PCNT: variants seen among roughly 807,000 people sequenced by gnomAD.
PCNT encodes kendrin.
Under a neutral mutation model 380.4 loss-of-function variants are expected in PCNT, and 319 were observed. The ratio of observed to expected loss-of-function variants is 0.84; its 90% CI spans 0.77 to 0.92. PCNT has a LOEUF of 0.92. PCNT is among the 40% of genes least tolerant of loss of function. PCNT has a pLI of 0.00. For synonymous variants in PCNT, 1,845 were observed against 1,735.2 expected (o/e 1.06, Z -1.57); for missense variants, 4,400 against 4,255.3 (o/e 1.03, Z -0.95).
intron 32 of PCNT, among the ~76,000 whole-genome samples, chr21:46,422,921 G>A (rs980299360): frequency 6.6e-6 from 1 of 152,142 alleles, no homozygotes; most frequent in Non-Finnish European, 1.5e-5. Flanking sequence ...ATGACGTTAA[G>A]TGAGGACTTA....
At chr21:46,419,581 C>T (rs947222115) in intron 31 of PCNT, among the ~76,000 whole-genome samples, 1 of 152,324 alleles carries the variant, frequency 6.6e-6, no homozygotes, top group South Asian at 2.1e-4. Flanking sequence ...CGTGCGTCCC[C>T]CTCGAGCCAC....
In PCNT at chr21:46,416,575, G is replaced by C. The variant is rs757052194; in HGVS notation, c.6657G>C (p.Leu2219=). 6.2e-7 allele frequency: 1 copy of C among 1,610,474 alleles called. No individual in the cohort carries two copies. Among genetic ancestry groups the C allele is most frequent in the African/African-American group, 1.3e-5 (1 of 74,862 alleles). The change falls in exon 30 of 47, where the codon CTG becomes CTC. Residue 2219 remains leucine (L), a synonymous_variant. Transcript: ENST00000359568. The part of the protein sequence containing the change: ...AGPRKSPVGM[L]DLSSWSSPEV... ...CCCGGAAGAGCCCGGTCGGGATGCT[G>C]GACCTGTCTTCCTGGAGCTCCCCTG...
At chr21:46,412,095 G>A in intron 28 of PCNT, 28 bp downstream of exon 28, 1 of 1,597,530 alleles carries the variant, frequency 6.3e-7, no homozygotes, top group African/African-American at 1.3e-5. Flanking sequence ...GCCATGGCAG[G>A]GTATTTTTTT....
chr21:46,385,138 C>G (rs922704550), intron 16 of PCNT, among the ~76,000 whole-genome samples: 4 of 152,180 alleles, frequency 2.6e-5, no homozygotes, highest in Non-Finnish European at 4.4e-5. Flanking sequence ...GAGGACCACT[C>G]CAGCCCAGGA....
In PCNT at chr21:46,391,194, C is replaced by A; in HGVS notation, c.4034C>A (p.Ala1345Glu). ...CTTGAGGGATTCAAGGTGGAGACAG[C>A]AGATCTGAAGGAGGTGCTGGCCGGG... ...GTLEGFKVET[A>E]DLKEVLAGKE... The change falls in exon 21 of 47, where the codon GCA becomes GAA. Residue 1345 changes from alanine to glutamate, a missense_variant. By Grantham distance (107) the Ala-to-Glu change is moderately radical. Transcript: ENST00000359568. 1 of 1,607,424 alleles carries A rather than the reference C, an allele frequency of 6.2e-7. No homozygotes were observed. The highest frequency in any genetic ancestry group is 1.1e-5 in the South Asian group (1 of 89,384).
At chr21:46,431,065 A>G in intron 37 of PCNT, 4 of 985,498 alleles carry the variant, frequency 4.1e-6, no homozygotes, top group Non-Finnish European at 4.8e-6. Context: ...AGTCTGTGCC[A>G]GTTCCATGGG....
rs758341390 is a variant in PCNT at position 46,401,678 on chromosome 21, A to G, written c.4919A>G (p.Gln1640Arg). 3 of 1,613,952 alleles carry G rather than the reference A, an allele frequency of 1.9e-6. No individual in the cohort carries two copies. Among genetic ancestry groups the G allele is most frequent in the Non-Finnish European group, 2.5e-6 (3 of 1,180,010 alleles). ...AGCCCTCCTGAGGGTCCAGAAATACAGTTAGAGGTGACACAGAGAGCACTC... is the reference window on the plus strand; with the variant it reads ...AGCCCTCCTGAGGGTCCAGAAATACGGTTAGAGGTGACACAGAGAGCACTC... ...SGSPPEGPEI[Q>R]LEVTQRALLR... is the part of the protein sequence containing the mutation. The change falls in exon 26 of 47, where the codon CAG becomes CGG. Residue 1640 changes from glutamine (Q) to arginine (R), a missense_variant. By Grantham distance (43) the Gln-to-Arg change is conservative (BLOSUM62 1). Coordinates refer to ENST00000359568, the MANE Select transcript of PCNT (RefSeq NM_006031.6).
chr21:46,352,008 G>C (rs571085570), intron 9 of PCNT, among the ~76,000 whole-genome samples: 1 of 152,308 alleles, frequency 6.6e-6, no homozygotes, highest in East Asian at 1.9e-4. Context: ...TTATAGCTGA[G>C]CACCTCTGGA....
chr21:46,440,765 C>T, intron 42 of PCNT, 90 bp from the exon 43 acceptor site: 1 of 842,266 alleles, frequency 1.2e-6, no homozygotes, highest in Non-Finnish European at 2.0e-6. Context: ...CAATCTGACT[C>T]TTTGGAAAGA....
intron 27 of PCNT, among the ~76,000 whole-genome samples, chr21:46,406,346 G>GTC (rs1273883956): frequency 1.3e-5 from 2 of 152,164 alleles, no homozygotes; most frequent in African/African-American, 4.8e-5. Flanking sequence ...TAATAAAGAG[G>GTC]TCTCACGTCT....
chr21:46,424,560 A>G (rs1421991204), intron 32 of PCNT, among the ~76,000 whole-genome samples: 1 of 151,846 alleles, frequency 6.6e-6, no homozygotes, highest in African/African-American at 2.4e-5. Context: ...TCTTTGTAAG[A>G]GATGTTTTTT....
chr21:46,431,099 G>A (rs1264599562), intron 37 of PCNT: 1 of 985,348 alleles, frequency 1.0e-6, no homozygotes, highest in African/African-American at 1.7e-5. Context: ...CAGCATGGAA[G>A]TGGTGGTTCC....
At chr21:46,346,623 G>T (rs2146548597) in intron 4 of PCNT, 120 bp from the exon 5 acceptor site, 3 of 1,273,518 alleles carry the variant, frequency 2.4e-6, no homozygotes, top group South Asian at 2.6e-5. Flanking sequence ...GCTTCCACGG[G>T]ATGTCTGCTG....
At chr21:46,426,758 C>T (rs1217271987) in intron 33 of PCNT, among the ~76,000 whole-genome samples, 1 of 152,180 alleles carries the variant, frequency 6.6e-6, no homozygotes, top group African/African-American at 2.4e-5. Context: ...TGTCTGCTTC[C>T]ATCACCAGGG....
chr21:46,418,253 C>T lies in PCNT; in HGVS notation c.6971C>T (p.Thr2324Ile). The change falls in exon 31 of 47, where the codon ACA becomes ATA. Residue 2324 changes from threonine (T) to isoleucine (I), a missense_variant. Physicochemically the swap from Thr to Ile is moderately conservative, Grantham distance 89 (BLOSUM62 -1). Transcript: ENST00000359568. ...FITTSFDSQE[T>I]LSSPPPGLEG... Reference sequence around the variant, plus strand: ...ACAACATCCTTTGATTCTCAAGAAACATTAAGTTCACCTCCTCCTGGATTA... The same window carrying T: ...ACAACATCCTTTGATTCTCAAGAAATATTAAGTTCACCTCCTCCTGGATTA... 6.2e-7 allele frequency: 1 copy of T among 1,610,224 alleles called. No individual in the cohort carries two copies. The highest frequency in any genetic ancestry group is 1.3e-5 in the African/African-American group (1 of 74,900).
At chr21:46,374,214 A>G (rs1027958666) in intron 15 of PCNT, among the ~76,000 whole-genome samples, 6 of 152,138 alleles carry the variant, frequency 3.9e-5, no homozygotes, top group Non-Finnish European at 7.4e-5. Context: ...TGCACGTTCA[A>G]TACATCAGTC....
intron 15 of PCNT, among the ~76,000 whole-genome samples, chr21:46,372,721 A>T (rs1169159653): frequency 3.9e-5 from 6 of 152,200 alleles, no homozygotes; most frequent in African/African-American, 1.4e-4. Flanking sequence ...AGAATGGGTG[A>T]TGCAGCGCCG....
rs374601017 is a variant in PCNT, at chr21:46,416,822, G to A, written c.6904G>A (p.Val2302Met). The A allele has an allele frequency of 1.4e-5, 23 of 1,598,258 alleles. No homozygotes were observed. The African/African-American group carries it at 2.4e-4, about 17-fold the overall frequency. The change falls in exon 30 of 47, where the codon GTG (valine) becomes ATG (methionine). Residue 2302 changes from valine to methionine, a missense_variant. Transcript: ENST00000359568. ...GTCTCCGCCGGCTGACGACCACCATGTGCAGAGGACGGCTGTGGTAGGTGC... is the reference window on the plus strand; with the variant it reads ...GTCTCCGCCGGCTGACGACCACCATATGCAGAGGACGGCTGTGGTAGGTGC... The part of the protein sequence containing the change: ...AESPPADDHH[V>M]QRTAVEKDVE...
At chr21:46,354,718 C>T (rs927670796) in intron 11 of PCNT, among the ~76,000 whole-genome samples, 12 of 152,290 alleles carry the variant, frequency 7.9e-5, no homozygotes, top group Middle Eastern at 3.4e-3. Context: ...CTGGGCTCAG[C>T]GGCCAGGAGC....
Sources: allele counts gnomAD v4.1 joint callset (sites outside exome capture counted in the v4.1 genomes callset), GRCh38; gene constraint gnomAD v4.1.1; transcripts MANE v1.5; gene names NCBI Gene and HGNC (gene_info 2026-07-23, HGNC 2026-07-21).